Variants in ITGAE observed in about 807,000 individuals in gnomAD.
ITGAE encodes integrin subunit alpha E.
ITGAE carries 99 observed loss-of-function variants against 136.5 expected under a neutral mutation model. That is an observed-to-expected ratio of 0.73 (90% confidence interval 0.62 to 0.86). The LOEUF (loss-of-function observed/expected upper bound fraction) is 0.86, where lower values mean the gene tolerates loss of function less well. Ranked by LOEUF, ITGAE falls within the 40% of genes least tolerant of loss-of-function variation. The pLI, the probability that ITGAE is intolerant of heterozygous loss-of-function variation, is 0.00. For missense variants in ITGAE, 1,447 were observed against 1,515.3 expected (o/e 0.95, Z 0.75); for synonymous variants, 613 against 591.8 (o/e 1.04, Z -0.52).
Position 3,751,738 on chromosome 17 carries a change from T to G in ITGAE, c.1805A>C (p.Glu602Ala), listed in dbSNP as rs551975363. The part of the protein sequence containing the change: ...LTDVAIGAPL[E>A]GFGADDGASF... ...GGCACCATCATCTGCCCCAAAACCT[T>G]CCAGGGGGGCCCCGATGGCCACATC... is the stretch of plus-strand genomic sequence containing the variant. Residue 602 changes from glutamate to alanine, a missense_variant, in exon 15 of 31, where the codon GAA (glutamate) becomes GCA (alanine). Physicochemically the swap from Glu to Ala is moderately radical, Grantham distance 107. This residue lies in a region of ITGAE where 1,031 missense variants were observed against 1,011.4 expected (regional missense o/e 1.02). Coordinates refer to ENST00000263087, the MANE Select transcript of ITGAE (RefSeq NM_002208.5). 1.9e-6 allele frequency: 3 copies of G among 1,613,908 alleles called. No homozygotes were observed. The Admixed American group carries it at 5.0e-5, about 27-fold the overall frequency.
rs907114025 is a variant in ITGAE at position 3,723,738 on chromosome 17, T to C, written c.3091A>G (p.Thr1031Ala). 8.1e-6 allele frequency: 13 copies of C among 1,607,144 alleles called. No individual in the cohort carries two copies. The highest frequency in any genetic ancestry group is 1.1e-5 in the Non-Finnish European group (13 of 1,177,078). The change falls in exon 27 of 31, where the codon ACG (threonine) becomes GCG (alanine). Residue 1031 changes from threonine to alanine, a missense_variant. This residue lies in a region of ITGAE where 1,031 missense variants were observed against 1,011.4 expected (regional missense o/e 1.02). Transcript: ENST00000263087. Reference sequence around the variant, plus strand: ...CGCTCCTGACTCCAGGTGCACACCGTGGAGGCCTGAAACGAGAGCCATGAC... The same window carrying C: ...CGCTCCTGACTCCAGGTGCACACCGCGGAGGCCTGAAACGAGAGCCATGAC... ...VKKLTRTQAS[T>A]VCTWSQERAC... is the part of the protein sequence containing the mutation.
At position 3,785,477 on chromosome 17, in the gene ITGAE, AAGGAAGGAAGGAAGGAAGG is replaced by A. The variant is rs1338895370; in HGVS notation, c.35-7836_35-7818del. ...AGTGAGACTTGGGAAAGAAGAAAGA[AAGGAAGGAAGGAAGGAAGG>A]AGGAAGGAAGGAAGGAAGGAAGGAA... On this transcript the variant is annotated intron_variant, in intron 1 of 30. Transcript: ENST00000263087. 1.1e-4 allele frequency among the ~76,000 whole-genome samples: 15 copies of A among 137,334 alleles called. No individual in the cohort carries two copies. The South Asian group carries it at 2.4e-3, about 22-fold the overall frequency. 90.1% of individuals were successfully genotyped at this position (137,334 alleles called of 152,430 possible). A position where few individuals can be genotyped will look rare whatever the true frequency, so the allele number is the denominator to read the frequency against.
intron 20 of ITGAE, among the ~76,000 whole-genome samples, chr17:3,738,458 C>T (rs1291750677): frequency 6.6e-6 from 1 of 152,158 alleles, no homozygotes; most frequent in Non-Finnish European, 1.5e-5. Flanking sequence ...CATGAGCCAC[C>T]GCGCCCGGCC....
Position 3,716,449 on chromosome 17 carries a change from T to C in ITGAE, c.3444+239A>G, listed in dbSNP as rs190120701. On this transcript the variant is annotated intron_variant, in intron 30 of 30. Coordinates refer to ENST00000263087, the MANE Select transcript of ITGAE (RefSeq NM_002208.5). ...AGTATTAAGTTCTGGGCCTTGAGAA[T>C]AGGGAGGTACCAAAGAAATATATAT... Among the ~76,000 whole-genome samples, 114 of 152,316 alleles carry C rather than the reference T, an allele frequency of 7.5e-4. 1 individual carries two copies. Among genetic ancestry groups the C allele is most frequent in the Admixed American group, 2.7e-3 (42 of 15,294 alleles).
chr17:3,733,754 T>C (rs1470946674), intron 21 of ITGAE, among the ~76,000 whole-genome samples: 4 of 152,172 alleles, frequency 2.6e-5, no homozygotes, highest in Admixed American at 6.5e-5. Context: ...CACTGAACAA[T>C]GGAAAAGGCG....
At position 3,761,095 on chromosome 17, in the gene ITGAE, G is replaced by T; in HGVS notation, c.516C>A (p.Asn172Lys). Residue 172 changes from asparagine to lysine, a missense_variant, in exon 6 of 31, where the codon AAC (asparagine) becomes AAA (lysine). Coordinates refer to ENST00000263087, the MANE Select transcript of ITGAE (RefSeq NM_002208.5). ...CCAGAGCCCGGCGCTGCCTGGCTGT[G>T]TTCACATCGTCTTCTCCACCGCCTT... ...NKEGGGEDDV[N>K]TARQRRALEK... 6.2e-7 allele frequency: 1 copy of T among 1,612,578 alleles called. No individual in the cohort carries two copies.
chr17:3,796,164 T>C (rs1332211554), intron 1 of ITGAE, among the ~76,000 whole-genome samples: 473 of 34,634 alleles, frequency 0.014, 11 homozygotes, highest in Non-Finnish European at 0.025. Context: ...TGTGTGTGTG[T>C]GCATCCGTGT....
chr17:3,759,203 G>C (rs540759389), intron 8 of ITGAE, among the ~76,000 whole-genome samples, 199 bp downstream of exon 8: 1 of 151,872 alleles, frequency 6.6e-6, no homozygotes, highest in East Asian at 1.9e-4. Flanking sequence ...CTGCTCTCCT[G>C]CATCTCACAA....
In ITGAE at chr17:3,748,032, A is replaced by G; in HGVS notation, c.2045T>C (p.Leu682Pro). Residue 682 changes from leucine (L) to proline (P), a missense_variant, in exon 17 of 31, where the codon CTG becomes CCG. By Grantham distance (98) the Leu-to-Pro change is moderately conservative. Transcript: ENST00000263087. The part of the protein sequence containing the change: ...VVFRSRPVVR[L>P]KVSMAFTPSA... ...GGGGGTGAAGGCCATGGAGACCTTC[A>G]GGCGAACCACAGGCCGGGAGCTAAA... 3.1e-6 allele frequency: 5 copies of G among 1,612,114 alleles called. No individual in the cohort carries two copies. The highest frequency in any genetic ancestry group is 2.2e-5 in the South Asian group (2 of 91,050).
Position 3,761,942 on chromosome 17 carries a change from G to T in ITGAE, c.288C>A (p.Thr96=), listed in dbSNP as rs143183572. ...AAACACCGTGGTGGCTCCGGACAAC[G>T]GTCACTCCCCGGTGCCTCCCCTTGG... The part of the protein sequence containing the change: ...PIPKGRHRGV[T]VVRSHHGVLI... The change falls in exon 4 of 31, where the codon ACC becomes ACA. Residue 96 remains threonine (T), a synonymous_variant. Transcript: ENST00000263087. 1 of 1,613,848 alleles carries T rather than the reference G, an allele frequency of 6.2e-7. No individual in the cohort carries two copies. Among genetic ancestry groups the T allele is most frequent in the Admixed American group, 1.7e-5 (1 of 59,994 alleles).
At chr17:3,758,304 G>A (rs1391020657) in intron 8 of ITGAE, among the ~76,000 whole-genome samples, 1 of 150,004 alleles carries the variant, frequency 6.7e-6, no homozygotes. Context: ...GGAGTGCAGT[G>A]GTGTGATCAT....
chr17:3,752,750 CGGAAAAAAAAAAAAAAA>C (rs2051902267), intron 14 of ITGAE, among the ~76,000 whole-genome samples: 2 of 138,778 alleles, frequency 1.4e-5, no homozygotes, highest in Non-Finnish European at 3.0e-5. Context: ...GACTCAGTCT[CGGAAAAAAAAAAAAAAA>C]TGCTGGGCGA....
At chr17:3,722,863 T>C (rs925611752) in intron 28 of ITGAE, among the ~76,000 whole-genome samples, 9 of 152,168 alleles carry the variant, frequency 5.9e-5, no homozygotes, top group Admixed American at 2.0e-4. Flanking sequence ...GACGGATAGC[T>C]GTTACGTGGG....
In ITGAE at chr17:3,756,500, C is replaced by T. The variant is rs566184906; in HGVS notation, c.1171+484G>A. Among the ~76,000 whole-genome samples, 7 of 150,034 alleles carry T rather than the reference C, an allele frequency of 4.7e-5. No homozygotes were observed. In the East Asian group the frequency reaches 5.9e-4, roughly 13 times the overall value. ...CACTGCAACCTCTGCCTCCTGGGTTCGAGTGATTCTTCTGTCTCGGGCTCC... is the reference window on the plus strand; with the variant it reads ...CACTGCAACCTCTGCCTCCTGGGTTTGAGTGATTCTTCTGTCTCGGGCTCC... On this transcript the variant is annotated intron_variant, in intron 10 of 30. Coordinates refer to ENST00000263087, the MANE Select transcript of ITGAE (RefSeq NM_002208.5).
chr17:3,789,749 C>T (rs1430868023), intron 1 of ITGAE, among the ~76,000 whole-genome samples: 1 of 152,152 alleles, frequency 6.6e-6, no homozygotes, highest in East Asian at 1.9e-4. Flanking sequence ...AATCTGCCCC[C>T]ACTTGGCCTC....
chr17:3,723,590 G>A, intron 27 of ITGAE, 98 bp downstream of exon 27: 1 of 1,304,070 alleles, frequency 7.7e-7, no homozygotes, highest in African/African-American at 1.5e-5. Context: ...CCCGGCACTG[G>A]CCGGCAGGGG....
At chr17:3,737,424 G>GC (rs1433866088) in intron 20 of ITGAE, among the ~76,000 whole-genome samples, 1 of 152,166 alleles carries the variant, frequency 6.6e-6, no homozygotes, top group Non-Finnish European at 1.5e-5. Context: ...TGAGTTTCTA[G>GC]CTCAGGTGGC....
At chr17:3,726,212 G>T in intron 26 of ITGAE, 1 of 1,614,166 alleles carries the variant, frequency 6.2e-7, no homozygotes, top group Non-Finnish European at 8.5e-7. Flanking sequence ...TGACCTTCAA[G>T]ACTAAATGTA....
At chr17:3,728,300 C>A in intron 24 of ITGAE, 132 bp from the exon 25 acceptor site, 1 of 719,644 alleles carries the variant, frequency 1.4e-6, no homozygotes, top group Non-Finnish European at 2.5e-6. Context: ...ACCTCCCAGG[C>A]TCAAGTGATC....
Sources: allele counts gnomAD v4.1 joint callset (sites outside exome capture counted in the v4.1 genomes callset), GRCh38; gene constraint gnomAD v4.1.1; regional missense constraint gnomAD v4.1.1; transcripts MANE v1.5; gene names NCBI Gene and HGNC (gene_info 2026-07-23, HGNC 2026-07-21).